Variants in UBE2D2 observed in about 807,000 individuals in gnomAD.
UBE2D2 encodes ubiquitin-conjugating enzyme E2 D2.
In UBE2D2, 2 loss-of-function variants were observed where a neutral mutation model predicts 24.2. That is an observed-to-expected ratio of 0.08 (90% confidence interval 0.03 to 0.26). The LOEUF (loss-of-function observed/expected upper bound fraction) is 0.26. UBE2D2 is among the 10% of genes least tolerant of loss of function. The pLI, the probability that UBE2D2 is intolerant of heterozygous loss-of-function variation, is 1.00. For missense variants in UBE2D2, 44 were observed against 177.6 expected, an observed-to-expected ratio of 0.25 and a Z score of 4.28; for synonymous variants, 58 against 56.5, an observed-to-expected ratio of 1.03 and a Z score of -0.12.
intron 1 of UBE2D2, among the ~76,000 whole-genome samples, chr5:139,548,710 A>C (rs1752869071): frequency 6.6e-6 from 1 of 152,212 alleles, no homozygotes; most frequent in African/African-American, 2.4e-5. Flanking sequence ...CAATCTATGA[A>C]TATGCTAACA....
chr5:139,543,570 G>A (rs758661529), intron 1 of UBE2D2, among the ~76,000 whole-genome samples: 1 of 152,238 alleles, frequency 6.6e-6, no homozygotes, highest in Non-Finnish European at 1.5e-5. Context: ...ACGGGGGACC[G>A]GACGGAGCCT....
chr5:139,609,520 C>T (rs979308748), intron 2 of UBE2D2, among the ~76,000 whole-genome samples: 1 of 149,932 alleles, frequency 6.7e-6, no homozygotes, highest in East Asian at 2.0e-4. Flanking sequence ...ACAGGCAATG[C>T]GCCACCATGC....
In UBE2D2 at chr5:139,535,626, C is replaced by CA. The variant is rs1309567751; in HGVS notation, c.-64+9023dup. Among the ~76,000 whole-genome samples, 4 of 151,176 alleles carry CA rather than the reference C, an allele frequency of 2.6e-5. No homozygotes were observed. The East Asian group carries it at 5.8e-4, about 22-fold the overall frequency. On this transcript the variant is annotated intron_variant, in intron 1 of 6. Transcript: ENST00000511725. ...CCTGGGTGACAGAGTGACACTATCT[C>CA]AAAAAAAAATTCAAAAGTTCTCTAA... is the stretch of plus-strand genomic sequence containing the variant.
chr5:139,585,850 T>C (rs946386907), intron 1 of UBE2D2, among the ~76,000 whole-genome samples: 1 of 141,448 alleles, frequency 7.1e-6, no homozygotes, highest in African/African-American at 2.7e-5. Flanking sequence ...GGGAGGGGAA[T>C]CACTTGAACC....
intron 2 of UBE2D2, among the ~76,000 whole-genome samples, chr5:139,610,688 C>T (rs375436103): frequency 8.6e-5 from 13 of 151,808 alleles, no homozygotes; most frequent in Middle Eastern, 6.8e-3. Flanking sequence ...GCCTGGGCAA[C>T]GTAACAAAAT....
chr5:139,556,022 A>G (rs1378680727), intron 1 of UBE2D2, among the ~76,000 whole-genome samples: 1 of 148,920 alleles, frequency 6.7e-6, no homozygotes, highest in East Asian at 2.0e-4. Flanking sequence ...GGATCACCTG[A>G]GGTCAGGATT....
chr5:139,601,784 G>A (rs573933513), intron 2 of UBE2D2, among the ~76,000 whole-genome samples: 2 of 151,744 alleles, frequency 1.3e-5, no homozygotes, highest in South Asian at 2.1e-4. Context: ...GGTGACAGGC[G>A]CCTGTAATCC....
intron 1 of UBE2D2, among the ~76,000 whole-genome samples, chr5:139,569,695 C>A (rs1199279954): frequency 6.6e-6 from 1 of 152,154 alleles, no homozygotes; most frequent in East Asian, 1.9e-4. Flanking sequence ...GTTAGCACTG[C>A]AGCACATCTC....
intron 1 of UBE2D2, among the ~76,000 whole-genome samples, chr5:139,545,722 C>A (rs959051769): frequency 2.0e-5 from 3 of 150,866 alleles, no homozygotes; most frequent in African/African-American, 7.3e-5. Context: ...CTGAGCCCAG[C>A]CTACATTTTT....
At chr5:139,620,160 C>G (rs778570710) in intron 5 of UBE2D2, among the ~76,000 whole-genome samples, 14 of 152,184 alleles carry the variant, frequency 9.2e-5, no homozygotes, top group Non-Finnish European at 5.9e-5. Context: ...GCCCCACCTC[C>G]AACGTTGGGG....
At chr5:139,551,143 G>A (rs568749690) in intron 1 of UBE2D2, among the ~76,000 whole-genome samples, 38 of 152,218 alleles carry the variant, frequency 2.5e-4, no homozygotes, top group Non-Finnish European at 4.0e-4. Flanking sequence ...TCAGGAGTTC[G>A]AGACCAGCCT....
chr5:139,562,057 C>A, intron 1 of UBE2D2: 1 of 827,950 alleles, frequency 1.2e-6, no homozygotes, highest in Non-Finnish European at 1.8e-6. Context: ...CCCTTCCAGG[C>A]CCGCATGGTG....
chr5:139,564,803 C>T (rs1429403956), intron 1 of UBE2D2, among the ~76,000 whole-genome samples: 2 of 152,142 alleles, frequency 1.3e-5, no homozygotes, highest in Non-Finnish European at 2.9e-5. Flanking sequence ...CTAGTTTATT[C>T]CCTAGAGCTC....
At chr5:139,559,973 C>G (rs555621057), upstream of UBE2D2, among the ~76,000 whole-genome samples, 1 of 151,758 alleles carries the variant, frequency 6.6e-6, no homozygotes, top group African/African-American at 2.4e-5. Flanking sequence ...AAAAACAATT[C>G]CAAATATTCT....
At position 139,561,748 on chromosome 5, in the gene UBE2D2, GCC is replaced by G; in HGVS notation, c.-40_-39del. 1.9e-6 allele frequency: 1 copy of G among 513,258 alleles called. No individual in the cohort carries two copies. Among genetic ancestry groups the G allele is most frequent in the Non-Finnish European group, 3.0e-6 (1 of 329,500 alleles). 31.8% of individuals were successfully genotyped at this position (513,258 alleles called of 1,614,324 possible). A position where few individuals can be genotyped will look rare whatever the true frequency, so the allele number is the denominator to read the frequency against. ...CTAGCCCCTTCCCCGTCCCTTCCCC[GCC>G]CCCGTCCCCGCCCCGGGGGCCGCCG... On this transcript the variant is annotated 5_prime_UTR_variant, in exon 1 of 7. Coordinates refer to ENST00000398733, the MANE Select transcript of UBE2D2 (RefSeq NM_003339.3).
intron 1 of UBE2D2, among the ~76,000 whole-genome samples, chr5:139,592,455 A>G (rs1282184851): frequency 6.6e-6 from 1 of 151,868 alleles, no homozygotes; most frequent in Non-Finnish European, 1.5e-5. Context: ...TCCACCTCAG[A>G]GTTTCTGACC....
At chr5:139,566,771 T>C (rs1753229189) in intron 1 of UBE2D2, among the ~76,000 whole-genome samples, 1 of 151,990 alleles carries the variant, frequency 6.6e-6, no homozygotes. Context: ...AGCTAGAAAA[T>C]GCATGTGCTA....
intron 1 of UBE2D2, among the ~76,000 whole-genome samples, chr5:139,574,749 A>G (rs556434498): frequency 7.3e-4 from 110 of 150,886 alleles, no homozygotes; most frequent in African/African-American, 1.2e-3. Context: ...AAAAAAAAAA[A>G]AAAAGAAAAG....
intron 1 of UBE2D2, among the ~76,000 whole-genome samples, chr5:139,529,014 A>G (rs532384737): frequency 2.0e-5 from 3 of 152,202 alleles, no homozygotes; most frequent in Non-Finnish European, 4.4e-5. Flanking sequence ...ATTTTCCTCA[A>G]AATTTGGACT....
Sources: allele counts gnomAD v4.1 joint callset (sites outside exome capture counted in the v4.1 genomes callset), GRCh38; gene constraint gnomAD v4.1.1; transcripts MANE v1.5; gene names NCBI Gene and HGNC (gene_info 2026-07-23, HGNC 2026-07-21).